KIRREL3: variants seen among roughly 807,000 people sequenced by gnomAD.
The protein encoded by KIRREL3 is kin of IRRE-like protein 3.
Under a neutral mutation model 89.7 loss-of-function variants are expected in KIRREL3, and 36 were observed. The ratio of observed to expected loss-of-function variants is 0.40; its 90% CI spans 0.31 to 0.53. The LOEUF (loss-of-function observed/expected upper bound fraction) is 0.53. Among genes scored for constraint, KIRREL3 ranks in the 20% least tolerant of loss-of-function variants. The pLI, the probability that KIRREL3 is intolerant of heterozygous loss-of-function variation, is 0.49. For missense variants in KIRREL3, 864 were observed against 1,056.6 expected, an observed-to-expected ratio of 0.82 and a Z score of 2.53; for synonymous variants, 445 against 441.4, an observed-to-expected ratio of 1.01 and a Z score of -0.10.
intron 1 of KIRREL3, among the ~76,000 whole-genome samples, chr11:126,618,170 CT>C (rs1943431192): frequency 1.3e-5 from 2 of 152,214 alleles, no homozygotes; most frequent in Admixed American, 1.3e-4. Flanking sequence ...CTCGCTTCTC[CT>C]ACAACTTCTG....
rs1366786777 is a variant in KIRREL3 at position 126,750,277 on chromosome 11, G to T, written c.56-187365C>A. On this transcript the variant is annotated intron_variant, in intron 1 of 16. Coordinates refer to ENST00000525144, the MANE Select transcript of KIRREL3 (RefSeq NM_032531.4). This position sits in a 1 kb window ranked among gnomAD's most constrained non-coding sequence, Gnocchi z 4.2. ...CTTCTACTATGGTACTTCCTTCTCC[G>T]TAGCCACCCCATTGAACACATTTCT... Among the ~76,000 whole-genome samples the T allele has an allele frequency of 6.6e-6, 1 of 152,090 alleles. No homozygotes were observed. The highest frequency in any genetic ancestry group is 1.5e-5 in the Non-Finnish European group (1 of 68,034).
At chr11:126,738,329 G>A (rs1425584780) in intron 1 of KIRREL3, among the ~76,000 whole-genome samples, 3 of 152,104 alleles carry the variant, frequency 2.0e-5, no homozygotes, top group Admixed American at 6.6e-5. Context: ...TTGAGCAGGT[G>A]AGCGCTCTCT....
chr11:126,673,943 T>G (rs1946072986), intron 1 of KIRREL3, among the ~76,000 whole-genome samples: 2 of 152,218 alleles, frequency 1.3e-5, no homozygotes, highest in African/African-American at 2.4e-5. Flanking sequence ...ATGTGAACAC[T>G]TCTCTGAAAA....
chr11:126,823,293 G>C (rs1048408789), intron 1 of KIRREL3, among the ~76,000 whole-genome samples: 5 of 152,154 alleles, frequency 3.3e-5, no homozygotes, highest in African/African-American at 1.2e-4. Flanking sequence ...ATAAACCAAA[G>C]CCTGGAGGAC....
At chr11:126,672,475 A>G (rs1945998892) in intron 1 of KIRREL3, among the ~76,000 whole-genome samples, 1 of 152,162 alleles carries the variant, frequency 6.6e-6, no homozygotes, top group Non-Finnish European at 1.5e-5. Flanking sequence ...AGCCAGTCTG[A>G]AAAAACATAT....
chr11:126,815,357 C>A (rs184717513), intron 1 of KIRREL3, among the ~76,000 whole-genome samples: 68 of 152,272 alleles, frequency 4.5e-4, no homozygotes, highest in Non-Finnish European at 7.6e-4. Flanking sequence ...TCACTTCTCC[C>A]ACTGTGTGAC....
intron 16 of KIRREL3, 92 bp from the exon 17 acceptor site, chr11:126,425,115 GGAGGGAA>G: frequency 8.2e-7 from 1 of 1,221,132 alleles, no homozygotes; most frequent in Non-Finnish European, 1.1e-6. Context: ...CCTTATGCGG[GGAGGGAA>G]GAGGGAAAAC....
rs1437491678 is a variant in KIRREL3 at position 126,965,724 on chromosome 11, C to T, written c.55+34731G>A. 1.3e-5 allele frequency among the ~76,000 whole-genome samples: 2 copies of T among 152,106 alleles called. No individual in the cohort carries two copies. The highest frequency in any genetic ancestry group is 4.8e-5 in the African/African-American group (2 of 41,400). On this transcript the variant is annotated intron_variant, in intron 1 of 16. Coordinates refer to ENST00000525144, the MANE Select transcript of KIRREL3 (RefSeq NM_032531.4). The surrounding 1 kb of genome is among the most constrained non-coding windows in gnomAD (Gnocchi z 4.4). ...ATTATTTCCTTCTGACTTTGGAGTG[C>T]GTTATTTTCCCGTGTTTTACGTTGG...
At position 126,970,078 on chromosome 11, in the gene KIRREL3, C is replaced by T. The variant is rs1186143625; in HGVS notation, c.55+30377G>A. 1.3e-5 allele frequency among the ~76,000 whole-genome samples: 2 copies of T among 152,182 alleles called. No individual in the cohort carries two copies. The highest frequency in any genetic ancestry group is 4.8e-5 in the African/African-American group (2 of 41,448). ...TCACAGCCAAGCTGCCCTAGGTTGT[C>T]ACCTAGGGACGGAACAGGAAAATGC... On this transcript the variant is annotated intron_variant, in intron 1 of 16. Transcript: ENST00000525144. The surrounding 1 kb of genome is among the most constrained non-coding windows in gnomAD (Gnocchi z 4.4).
chr11:126,451,414 G>C (rs1956151019), intron 7 of KIRREL3, among the ~76,000 whole-genome samples: 3 of 151,334 alleles, frequency 2.0e-5, no homozygotes, highest in Admixed American at 2.0e-4. Flanking sequence ...GTGCATGTGT[G>C]TGCATGTGTG....
rs1382982774 is a variant in KIRREL3 at position 126,748,669 on chromosome 11, G to A, written c.56-185757C>T. 1.3e-5 allele frequency among the ~76,000 whole-genome samples: 2 copies of A among 152,134 alleles called. No homozygotes were observed. The highest frequency in any genetic ancestry group is 2.9e-5 in the Non-Finnish European group (2 of 68,028). On this transcript the variant is annotated intron_variant, in intron 1 of 16. Transcript: ENST00000525144. The surrounding 1 kb of genome is among the most constrained non-coding windows in gnomAD (Gnocchi z 4.6). Reference sequence around the variant, plus strand: ...GGGCAGGAAGGCCAAGGCTGATTCGGCCTTGGTCTGGCAAGGGAAGCTGCG... The same window carrying A: ...GGGCAGGAAGGCCAAGGCTGATTCGACCTTGGTCTGGCAAGGGAAGCTGCG...
Position 126,492,714 on chromosome 11 carries a change from T to C in KIRREL3, c.434-19248A>G, listed in dbSNP as rs1591629692. Among the ~76,000 whole-genome samples, 1 of 152,088 alleles carries C rather than the reference T, an allele frequency of 6.6e-6. No individual in the cohort carries two copies. Among genetic ancestry groups the C allele is most frequent in the African/African-American group, 2.4e-5 (1 of 41,408 alleles). On this transcript the variant is annotated intron_variant, in intron 4 of 16. Coordinates refer to ENST00000525144, the MANE Select transcript of KIRREL3 (RefSeq NM_032531.4). This position sits in a 1 kb window ranked among gnomAD's most constrained non-coding sequence, Gnocchi z 4.8. ...CAAGCAGTTCATGCCTCAGTGACTGTTAATGGTGAAATATCAAGATGCTGA... is the reference window on the plus strand; with the variant it reads ...CAAGCAGTTCATGCCTCAGTGACTGCTAATGGTGAAATATCAAGATGCTGA...
Position 126,683,017 on chromosome 11 carries a change from G to A in KIRREL3, c.56-120105C>T, listed in dbSNP as rs1946528787. 6.6e-6 allele frequency among the ~76,000 whole-genome samples: 1 copy of A among 152,028 alleles called. No individual in the cohort carries two copies. Among genetic ancestry groups the A allele is most frequent in the Non-Finnish European group, 1.5e-5 (1 of 68,010 alleles). ...CTTCAGGCATGCACTACTATGCCTG[G>A]GTAACTTTTTTGATTTTTATTAGAG... On this transcript the variant is annotated intron_variant, in intron 1 of 16. Transcript: ENST00000525144. The surrounding 1 kb of genome is among the most constrained non-coding windows in gnomAD (Gnocchi z 5.2).
rs76361793 is a variant in KIRREL3, at chr11:126,589,067, G to T, written c.56-26155C>A. Among the ~76,000 whole-genome samples, 571 of 152,114 alleles carry T rather than the reference G, an allele frequency of 3.8e-3. 5 individuals carry two copies. The highest frequency in any genetic ancestry group is 0.013 in the African/African-American group (555 of 41,424). On this transcript the variant is annotated intron_variant, in intron 1 of 16. Transcript: ENST00000525144. The stretch of plus-strand genomic sequence containing the variant: ...CACCCGCACACTAGCTGCCTCTCCC[G>T]GTCCCTTCCAGCAACCTGAGGAAAT...
At chr11:126,556,673 GGGTCCACAGTCTAAGAGA>G (rs1939730916) in intron 2 of KIRREL3, among the ~76,000 whole-genome samples, 1 of 152,128 alleles carries the variant, frequency 6.6e-6, no homozygotes, top group East Asian at 1.9e-4. Flanking sequence ...TGCAGCTTAG[GGGTCCACAGTCTAAGAGA>G]GGCAGGACTC....
Position 126,519,658 on chromosome 11 carries a change from C to A in KIRREL3, c.433+1657G>T, listed in dbSNP as rs376827922. ...TGGCCCCTCTAGAAGGTGTATGAGT[C>A]GGTAGAGGCAGATTCTTCTGAGGAT... On this transcript the variant is annotated intron_variant, in intron 4 of 16. Coordinates refer to ENST00000525144, the MANE Select transcript of KIRREL3 (RefSeq NM_032531.4). The surrounding 1 kb of genome is among the most constrained non-coding windows in gnomAD (Gnocchi z 4.3). Among the ~76,000 whole-genome samples, 119 of 152,196 alleles carry A rather than the reference C, an allele frequency of 7.8e-4. 1 individual carries two copies. The highest frequency in any genetic ancestry group is 2.8e-3 in the African/African-American group (116 of 41,504).
Position 126,772,893 on chromosome 11 carries a change from A to G in KIRREL3, c.56-209981T>C, listed in dbSNP as rs1392105123. 6.6e-6 allele frequency among the ~76,000 whole-genome samples: 1 copy of G among 152,132 alleles called. No homozygotes were observed. Among genetic ancestry groups the G allele is most frequent in the African/African-American group, 2.4e-5 (1 of 41,428 alleles). ...TTGGCCAGAAACCTGCTTGGCCAAC[A>G]ATCTCCCCAGTGATTCTTACGGACA... is the stretch of plus-strand genomic sequence containing the variant. On this transcript the variant is annotated intron_variant, in intron 1 of 16. Transcript: ENST00000525144. This position sits in a 1 kb window ranked among gnomAD's most constrained non-coding sequence, Gnocchi z 4.6.
rs948882023 is a variant in KIRREL3 at position 126,904,876 on chromosome 11, G to T, written c.55+95579C>A. On this transcript the variant is annotated intron_variant, in intron 1 of 16. Coordinates refer to ENST00000525144, the MANE Select transcript of KIRREL3 (RefSeq NM_032531.4). The surrounding 1 kb of genome is among the most constrained non-coding windows in gnomAD (Gnocchi z 4.4). ...GAAACTGTAAAAATGTTCTTTGATG[G>T]TATCTAGGACAACTCCAAGTATAGC... is the stretch of plus-strand genomic sequence containing the variant. 3.3e-5 allele frequency among the ~76,000 whole-genome samples: 5 copies of T among 152,094 alleles called. No homozygotes were observed. The highest frequency in any genetic ancestry group is 3.3e-4 in the Admixed American group (5 of 15,264).
At chr11:126,518,242 G>A (rs936497622) in intron 4 of KIRREL3, among the ~76,000 whole-genome samples, 3 of 152,212 alleles carry the variant, frequency 2.0e-5, no homozygotes, top group Non-Finnish European at 4.4e-5. Flanking sequence ...CTGCCAGGCC[G>A]AGTCCCCATG....
Sources: gnomAD v4.1 joint callset for allele counts (sites outside exome capture counted in the v4.1 genomes callset) on GRCh38, gnomAD v4.1.1 for gene constraint, Gnocchi (gnomAD v3.1) non-coding constraint, MANE v1.5 for transcripts, NCBI Gene and HGNC (gene_info 2026-07-23, HGNC 2026-07-21) for gene names.